Variants in EMP2 observed in about 807,000 individuals in gnomAD.
EMP2 encodes epithelial membrane protein 2.
Under a neutral mutation model 13.7 loss-of-function variants are expected in EMP2, and 19 were observed. That is an observed-to-expected ratio of 1.38 (90% CI 0.97 to 2.03). The LOEUF is 2.03. Among genes scored for constraint, EMP2 ranks in the 30% most tolerant of loss-of-function variants. The pLI, the probability that EMP2 is intolerant of heterozygous loss-of-function variation, is 0.00. For synonymous variants in EMP2, 97 were observed against 84.7 expected (o/e 1.15, Z -0.80); for missense variants, 253 against 220.7 (o/e 1.15, Z -0.93).
chr16:10,554,630 G>T (rs865892132), intron 1 of EMP2, among the ~76,000 whole-genome samples: 5 of 152,170 alleles, frequency 3.3e-5, no homozygotes, highest in Non-Finnish European at 5.9e-5. Flanking sequence ...TTCACAAAAA[G>T]TTATTTTCCC....
intron 2 of EMP2, chr16:10,546,725 G>T (rs1446066275): frequency 6.6e-6 from 1 of 152,276 alleles, no homozygotes; most frequent in Non-Finnish European, 1.5e-5. Flanking sequence ...ATAACCAGGG[G>T]TGGGGGAGCT....
intron 1 of EMP2, among the ~76,000 whole-genome samples, chr16:10,569,390 T>G (rs927483440): frequency 6.6e-6 from 1 of 152,234 alleles, no homozygotes; most frequent in Admixed American, 6.5e-5. Flanking sequence ...TGGAATGCAG[T>G]GGCATGATCA....
chr16:10,533,274 G>C (rs2050622300), intron 4 of EMP2, among the ~76,000 whole-genome samples, 182 bp from the exon 5 acceptor site: 1 of 152,188 alleles, frequency 6.6e-6, no homozygotes, highest in South Asian at 2.1e-4. Context: ...CTGAGCTCAA[G>C]CAATCCTCCT....
chr16:10,556,978 A>G (rs1273694822), intron 1 of EMP2, among the ~76,000 whole-genome samples: 2 of 152,186 alleles, frequency 1.3e-5, no homozygotes, highest in African/African-American at 4.8e-5. Context: ...GGCAGGGGGA[A>G]TCTGTGAAGG....
chr16:10,547,343 T>C (rs1314872971), intron 2 of EMP2, 197 bp downstream of exon 2: 8 of 567,580 alleles, frequency 1.4e-5, no homozygotes, highest in Non-Finnish European at 2.2e-5. Context: ...ATGTAAGATG[T>C]GGCTTTGCTC....
chr16:10,568,306 C>T (rs950610177), intron 1 of EMP2, among the ~76,000 whole-genome samples: 5 of 152,364 alleles, frequency 3.3e-5, no homozygotes, highest in African/African-American at 4.8e-5. Context: ...AGCTGCCTCA[C>T]GTTCCTGGTG....
At chr16:10,537,379 C>G (rs963568187) in intron 4 of EMP2, among the ~76,000 whole-genome samples, 1 of 152,174 alleles carries the variant, frequency 6.6e-6, no homozygotes, top group African/African-American at 2.4e-5. Flanking sequence ...CCTGGTGCAA[C>G]GTGGGCACCT....
chr16:10,561,767 C>T (rs144614550), intron 1 of EMP2, among the ~76,000 whole-genome samples: 131 of 152,266 alleles, frequency 8.6e-4, no homozygotes, highest in Admixed American at 1.6e-3. Context: ...ACTTAGAACA[C>T]GTCTTCCTTA....
intron 3 of EMP2, among the ~76,000 whole-genome samples, chr16:10,542,196 G>C (rs569999629): frequency 6.6e-6 from 1 of 151,990 alleles, no homozygotes; most frequent in Non-Finnish European, 1.5e-5. Flanking sequence ...CCAGGAGTTC[G>C]AGACCAGCCT....
intron 1 of EMP2, among the ~76,000 whole-genome samples, chr16:10,563,273 C>A (rs995018923): frequency 6.6e-6 from 1 of 152,130 alleles, no homozygotes. Context: ...CTCACTGCAA[C>A]CTCTGTCTCC....
chr16:10,567,354 T>C (rs935806287), intron 1 of EMP2, among the ~76,000 whole-genome samples: 2 of 152,180 alleles, frequency 1.3e-5, no homozygotes, highest in African/African-American at 4.8e-5. Flanking sequence ...GAGATGACAA[T>C]ATAGCATTCT....
chr16:10,563,191 T>C (rs2050884584), intron 1 of EMP2, among the ~76,000 whole-genome samples: 1 of 152,012 alleles, frequency 6.6e-6, no homozygotes, highest in African/African-American at 2.4e-5. Flanking sequence ...CTCTTTATTA[T>C]TATTATTATT....
intron 1 of EMP2, among the ~76,000 whole-genome samples, chr16:10,555,161 G>A (rs2050818046): frequency 6.6e-6 from 1 of 152,126 alleles, no homozygotes; most frequent in Non-Finnish European, 1.5e-5. Flanking sequence ...GTCAGGACTA[G>A]ACCAGGGTCT....
intron 3 of EMP2, among the ~76,000 whole-genome samples, chr16:10,538,508 G>A (rs1196570622): frequency 1.3e-5 from 2 of 152,194 alleles, no homozygotes; most frequent in East Asian, 1.9e-4. Context: ...ATGGGACTGT[G>A]ACCTTGTGAG....
intron 1 of EMP2, among the ~76,000 whole-genome samples, chr16:10,554,651 G>T (rs566644524): frequency 1.3e-5 from 2 of 152,264 alleles, no homozygotes; most frequent in African/African-American, 2.4e-5. Context: ...TTCGAAAAAT[G>T]TAACAGTAAA....
In EMP2 at chr16:10,534,280, C is replaced by T. The variant is rs1483292455; in HGVS notation, c.317-1188G>A. On this transcript the variant is annotated intron_variant, in intron 4 of 4. Coordinates refer to ENST00000359543, the MANE Select transcript of EMP2 (RefSeq NM_001424.6). Reference sequence around the variant, plus strand: ...TTTGGAGCCACGAAGAGGTCAACACCAACACTAAAGATGACAGAATAGAAG... The same window carrying T: ...TTTGGAGCCACGAAGAGGTCAACACTAACACTAAAGATGACAGAATAGAAG... 5.3e-5 allele frequency among the ~76,000 whole-genome samples: 8 copies of T among 152,060 alleles called. No individual in the cohort carries two copies. In the East Asian group the frequency reaches 1.3e-3, roughly 26 times the overall value.
In EMP2 at chr16:10,532,908, T is replaced by C. The variant is rs368176865; in HGVS notation, c.501A>G (p.Lys167=). The C allele has an allele frequency of 4.0e-5, 61 of 1,531,938 alleles. No individual in the cohort carries two copies. The highest frequency in any genetic ancestry group is 4.6e-5 in the Non-Finnish European group (52 of 1,134,120). 94.9% of individuals were successfully genotyped at this position (1,531,938 alleles called of 1,614,324 possible). A position where few individuals can be genotyped will look rare whatever the true frequency, so the allele number is the denominator to read the frequency against. The change falls in exon 5 of 5, where the codon AAA becomes AAG. Residue 167 remains lysine (K), a synonymous_variant. Coordinates refer to ENST00000359543, the MANE Select transcript of EMP2 (RefSeq NM_001424.6). ...GAAGCAACCCAGCTCCGGAACTCTA[T>C]TTGCGCTTCCTCAGTATCAGGTACA... ...GMMYLILRKR[K] is the part of the protein sequence containing the mutation.
At chr16:10,538,292 C>T (rs1413251342) in intron 3 of EMP2, among the ~76,000 whole-genome samples, 1 of 152,204 alleles carries the variant, frequency 6.6e-6, no homozygotes, top group Non-Finnish European at 1.5e-5. Flanking sequence ...CAATCCTCGA[C>T]CCCTTATCTG....
intron 1 of EMP2, among the ~76,000 whole-genome samples, chr16:10,557,393 A>C (rs924973592): frequency 6.6e-6 from 1 of 151,234 alleles, no homozygotes; most frequent in Non-Finnish European, 1.5e-5. Context: ...AAACAAAAAA[A>C]CCCCATGCTT....
Sources: allele counts gnomAD v4.1 joint callset (sites outside exome capture counted in the v4.1 genomes callset), GRCh38; gene constraint gnomAD v4.1.1; transcripts MANE v1.5; gene names NCBI Gene and HGNC (gene_info 2026-07-23, HGNC 2026-07-21).